The following UBP1 variants were observed in gnomAD, a reference collection of about 807,000 sequenced individuals.
The protein encoded by UBP1 is upstream-binding protein 1.
UBP1 carries 22 observed loss-of-function variants against 76.1 expected under a neutral mutation model. That is an observed-to-expected ratio of 0.29 (90% CI 0.21 to 0.41). The LOEUF is 0.41. UBP1 is among the 10% of genes least tolerant of loss of function. UBP1 has a pLI of 1.00. For missense variants in UBP1, 436 were observed against 668.1 expected, an observed-to-expected ratio of 0.65 and a Z score of 3.83; for synonymous variants, 224 against 237.1, an observed-to-expected ratio of 0.94 and a Z score of 0.51.
rs2043852097 is a variant in UBP1 at position 33,393,555 on chromosome 3, T to A, written c.1391-101A>T. The A allele has an allele frequency of 4.3e-6, 5 of 1,155,402 alleles. No homozygotes were observed. The South Asian group carries it at 1.1e-4, about 26-fold the overall frequency. The allele number at this position is 1,155,402 out of a possible 1,614,324, so 71.6% of individuals were successfully genotyped here. ...TGTACGAAGGTCACACCTTTCAAAG[T>A]ACCAAAAAAGTAAAAAAACATTTTA... On this transcript the variant is annotated intron_variant, in intron 13 of 15. Coordinates refer to ENST00000283629, the MANE Select transcript of UBP1 (RefSeq NM_014517.5).
At chr3:33,425,837 T>C (rs1422515997) in intron 1 of UBP1, 96 bp from the exon 2 acceptor site, 3 of 1,146,550 alleles carry the variant, frequency 2.6e-6, no homozygotes, top group Non-Finnish European at 3.5e-6. Flanking sequence ...GTCTGAAATA[T>C]TTAAAAGCAT....
intron 1 of UBP1, among the ~76,000 whole-genome samples, chr3:33,429,792 G>GTTAA (rs1341692451): frequency 6.6e-6 from 1 of 152,232 alleles, no homozygotes; most frequent in East Asian, 1.9e-4. Flanking sequence ...ATCCAGCAAT[G>GTTAA]TAAGCTGCCT....
rs549763713 is a variant in UBP1 at position 33,390,288 on chromosome 3, C to T, written c.*43G>A. 19 of 1,581,180 alleles carry T rather than the reference C, an allele frequency of 1.2e-5. No homozygotes were observed. Among genetic ancestry groups the T allele is most frequent in the African/African-American group, 1.1e-4 (8 of 74,232 alleles). On this transcript the variant is annotated 3_prime_UTR_variant, in exon 16 of 16. Transcript: ENST00000283629. Reference sequence around the variant, plus strand: ...GATTCAGTCTTCACACACTTTTAAGCGTGACTATTTGGTACTGAATACAGT... The same window carrying T: ...GATTCAGTCTTCACACACTTTTAAGTGTGACTATTTGGTACTGAATACAGT...
At chr3:33,410,454 T>G (rs2044551697) in intron 5 of UBP1, among the ~76,000 whole-genome samples, 1 of 152,262 alleles carries the variant, frequency 6.6e-6, no homozygotes, top group Non-Finnish European at 1.5e-5. Flanking sequence ...ACATCAATAT[T>G]CAACGGATAT....
At chr3:33,430,092 AG>A (rs2045087835) in intron 1 of UBP1, among the ~76,000 whole-genome samples, 1 of 152,218 alleles carries the variant, frequency 6.6e-6, no homozygotes, top group Non-Finnish European at 1.5e-5. Flanking sequence ...CACTGAGGAT[AG>A]GGGGGAAAAA....
Position 33,406,879 on chromosome 3 carries a change from G to C in UBP1, c.927+1811C>G, listed in dbSNP as rs139489723. Reference sequence around the variant, plus strand: ...AGATGAAGACCAACAGACACACTAAGAGTTTTGTTGTACGGCATCTCCTGG... The same window carrying C: ...AGATGAAGACCAACAGACACACTAACAGTTTTGTTGTACGGCATCTCCTGG... On this transcript the variant is annotated intron_variant, in intron 8 of 15. Coordinates refer to ENST00000283629, the MANE Select transcript of UBP1 (RefSeq NM_014517.5). Among the ~76,000 whole-genome samples, 178 of 152,294 alleles carry C rather than the reference G, an allele frequency of 1.2e-3. 1 individual carries two copies. Among genetic ancestry groups the C allele is most frequent in the African/African-American group, 4.1e-3 (172 of 41,560 alleles).
chr3:33,414,981 G>A (rs957587367), intron 3 of UBP1, among the ~76,000 whole-genome samples: 2 of 151,912 alleles, frequency 1.3e-5, no homozygotes, highest in East Asian at 3.9e-4. Flanking sequence ...TCATAATGAG[G>A]TGTCATTTTT....
intron 11 of UBP1, 38 bp downstream of exon 11, chr3:33,400,151 A>G: frequency 7.7e-7 from 1 of 1,301,942 alleles, no homozygotes; most frequent in Non-Finnish European, 1.0e-6. Flanking sequence ...CAAAAACAAA[A>G]CATTCTCATG....
At chr3:33,393,261 G>A (rs1231115755) in intron 14 of UBP1, 51 bp downstream of exon 14, 6 of 1,528,458 alleles carry the variant, frequency 3.9e-6, no homozygotes, top group Non-Finnish European at 5.3e-6. Context: ...ACAATTACAT[G>A]TATAAAAGTA....
intron 9 of UBP1, 138 bp from the exon 10 acceptor site, chr3:33,401,154 A>C (rs369245642): frequency 2.6e-5 from 18 of 695,174 alleles, no homozygotes; most frequent in African/African-American, 9.4e-5. Flanking sequence ...GAAAGTCTGC[A>C]ACAAAATGCA....
In UBP1 at chr3:33,440,041, G is replaced by C; in HGVS notation, c.-193C>G. The C allele has an allele frequency of 2.0e-6, 1 of 510,364 alleles. No individual in the cohort carries two copies. Among genetic ancestry groups the C allele is most frequent in the Admixed American group, 4.4e-5 (1 of 22,790 alleles). The allele number at this position is 510,364 out of a possible 1,614,324, so 31.6% of individuals were successfully genotyped here. A position where few individuals can be genotyped will look rare whatever the true frequency, so the allele number is the denominator to read the frequency against. On this transcript the variant is annotated 5_prime_UTR_variant, in exon 1 of 16. Coordinates refer to ENST00000283629, the MANE Select transcript of UBP1 (RefSeq NM_014517.5). The stretch of plus-strand genomic sequence containing the variant: ...GGCACGACGAGCCCAGCGAGCAATT[G>C]CAGCGGGAGCGGCCGGGCCGCCGGC...
At chr3:33,416,620 G>T (rs965519222) in intron 3 of UBP1, 138 bp downstream of exon 3, 2 of 618,828 alleles carry the variant, frequency 3.2e-6, no homozygotes, top group Non-Finnish European at 5.4e-6. Context: ...CCATTTTACA[G>T]GTGAATAAAC....
At chr3:33,390,450 C>T in intron 15 of UBP1, 82 bp from the exon 16 acceptor site, 1 of 1,434,804 alleles carries the variant, frequency 7.0e-7, no homozygotes, top group Non-Finnish European at 9.8e-7. Flanking sequence ...CTGCCAACTA[C>T]AACCTCCCTT....
At chr3:33,439,346 G>A (rs899974979) in intron 1 of UBP1, among the ~76,000 whole-genome samples, 1 of 152,222 alleles carries the variant, frequency 6.6e-6, no homozygotes, top group Admixed American at 6.5e-5. Context: ...CAAAACGCTA[G>A]ACAGTATTCT....
chr3:33,407,430 G>A (rs770234460), intron 8 of UBP1, among the ~76,000 whole-genome samples: 3 of 151,764 alleles, frequency 2.0e-5, no homozygotes, highest in Non-Finnish European at 4.4e-5. Context: ...AGTTTACTAA[G>A]AACCATTGGT....
intron 15 of UBP1, chr3:33,391,280 A>AT (rs2043753445): frequency 6.6e-6 from 1 of 152,218 alleles, no homozygotes; most frequent in Admixed American, 6.5e-5. Context: ...CTAAGACCGG[A>AT]TTTGGATCTT....
intron 1 of UBP1, among the ~76,000 whole-genome samples, chr3:33,438,139 C>T (rs969777642): frequency 1.3e-5 from 2 of 152,152 alleles, no homozygotes; most frequent in Non-Finnish European, 2.9e-5. Context: ...GATTGTACTT[C>T]CTTTTCATGG....
At chr3:33,392,912 T>G in intron 14 of UBP1, 1 of 361,886 alleles carries the variant, frequency 2.8e-6, no homozygotes, top group Non-Finnish European at 4.9e-6. Flanking sequence ...TAAAGTGCTC[T>G]TCTATTATTA....
At chr3:33,421,883 A>T (rs149080287) in intron 2 of UBP1, among the ~76,000 whole-genome samples, 2 of 152,150 alleles carry the variant, frequency 1.3e-5, no homozygotes, top group Admixed American at 6.5e-5. Context: ...ATCCCTACTA[A>T]GAATACAAAA....
Sources: allele counts gnomAD v4.1 joint callset (sites outside exome capture counted in the v4.1 genomes callset), GRCh38; gene constraint gnomAD v4.1.1; transcripts MANE v1.5; gene names NCBI Gene and HGNC (gene_info 2026-07-23, HGNC 2026-07-21).